The following PACSIN2 variants were observed in gnomAD, a reference collection of about 807,000 sequenced individuals.
PACSIN2 encodes protein kinase C and casein kinase substrate in neurons 2, also known as protein kinase C and casein kinase substrate in neurons protein 2.
A neutral mutation model predicts 63.8 loss-of-function variants in PACSIN2; 25 were observed. The observed-to-expected ratio is 0.39, with a 90% CI of 0.29 to 0.55. PACSIN2 has a LOEUF of 0.55. Ranked by LOEUF, PACSIN2 falls within the 20% of genes least tolerant of loss-of-function variation. PACSIN2 has a pLI of 0.62. For synonymous variants in PACSIN2, 255 were observed against 256.2 expected (o/e 1.00, Z 0.05); for missense variants, 518 against 646.9 (o/e 0.80, Z 2.16).
intron 1 of PACSIN2, among the ~76,000 whole-genome samples, chr22:42,979,994 T>C (rs979412850): frequency 6.6e-6 from 1 of 152,064 alleles, no homozygotes; most frequent in Non-Finnish European, 1.5e-5. Context: ...TGCTTAACTA[T>C]ATAAACCTAT....
At chr22:42,913,297 C>T (rs746521276) in intron 1 of PACSIN2, among the ~76,000 whole-genome samples, 5 of 152,036 alleles carry the variant, frequency 3.3e-5, no homozygotes, top group African/African-American at 7.2e-5. Flanking sequence ...CTGACCAAGA[C>T]GGAGAAACCC....
At chr22:43,000,118 GGCACTTGTA>G (rs1448518287) in intron 1 of PACSIN2, among the ~76,000 whole-genome samples, 2 of 152,242 alleles carry the variant, frequency 1.3e-5, no homozygotes, top group African/African-American at 4.8e-5. Flanking sequence ...GCTCACTGCA[GGCACTTGTA>G]GCCCCAATGG....
chr22:42,911,562 T>G (rs150465506), intron 2 of PACSIN2, among the ~76,000 whole-genome samples: 1 of 152,280 alleles, frequency 6.6e-6, no homozygotes, highest in East Asian at 1.9e-4. Flanking sequence ...CGGCAGATGC[T>G]CCAGCAAGTT....
chr22:42,935,093 T>C (rs1281660058), intron 1 of PACSIN2, among the ~76,000 whole-genome samples: 1 of 150,230 alleles, frequency 6.7e-6, no homozygotes, highest in Non-Finnish European at 1.5e-5. Context: ...TTTTTTTTTT[T>C]TTTTTTTATT....
intron 10 of PACSIN2, among the ~76,000 whole-genome samples, chr22:42,872,686 T>A (rs1391936966): frequency 6.6e-6 from 1 of 152,126 alleles, no homozygotes; most frequent in African/African-American, 2.4e-5. Context: ...TCCCTGGGCC[T>A]GTGGCCCTCA....
Position 42,871,346 on chromosome 22 carries a change from T to C in PACSIN2, c.*11A>G, listed in dbSNP as rs1487086488. On this transcript the variant is annotated 3_prime_UTR_variant, in exon 11 of 11. Coordinates refer to ENST00000263246, the MANE Select transcript of PACSIN2 (RefSeq NM_001184970.3). The surrounding 1 kb of genome is among the most constrained non-coding windows in gnomAD (Gnocchi z 5.4). ...CCGCCTCCGTCCCCCCGCTGGCCTG[T>C]CCCCGACTCATCACTGGATCGCCTC... is the stretch of plus-strand genomic sequence containing the variant. 1.3e-6 allele frequency: 2 copies of C among 1,588,638 alleles called. No homozygotes were observed. The highest frequency in any genetic ancestry group is 4.5e-5 in the East Asian group (2 of 44,746).
In PACSIN2 at chr22:42,871,596, G is replaced by A. The variant is rs1928136590; in HGVS notation, c.1349-127C>T. ...AGGCATTCTGTGGCGGGCAGGCCGA[G>A]GGCCTGGTCATTTCTCTACTAAATG... On this transcript the variant is annotated intron_variant, in intron 10 of 10. Coordinates refer to ENST00000263246, the MANE Select transcript of PACSIN2 (RefSeq NM_001184970.3). The surrounding 1 kb of genome is among the most constrained non-coding windows in gnomAD (Gnocchi z 5.4). 4 of 738,022 alleles carry A rather than the reference G, an allele frequency of 5.4e-6. No individual in the cohort carries two copies. In the Admixed American group the frequency reaches 6.3e-5, roughly 12 times the overall value. 45.7% of individuals were successfully genotyped at this position (738,022 alleles called of 1,614,324 possible).
Position 43,003,899 on chromosome 22 carries a change from C to A in PACSIN2, c.-78+11122G>T, listed in dbSNP as rs1923927582. Reference sequence around the variant, plus strand: ...ACCAGCGAGTCACCCACGGCCTTGACCGCACCCCAGCAGCTCTCCCTTTTG... The same window carrying A: ...ACCAGCGAGTCACCCACGGCCTTGAACGCACCCCAGCAGCTCTCCCTTTTG... On this transcript the variant is annotated intron_variant, in intron 1 of 10. Transcript: ENST00000263246. Among the ~76,000 whole-genome samples, 3 of 152,304 alleles carry A rather than the reference C, an allele frequency of 2.0e-5. No individual in the cohort carries two copies. The South Asian group carries it at 6.2e-4, about 32-fold the overall frequency.
chr22:42,902,294 T>C (rs937915359), intron 2 of PACSIN2, among the ~76,000 whole-genome samples: 19 of 152,188 alleles, frequency 1.2e-4, no homozygotes, highest in Non-Finnish European at 2.2e-4. Context: ...GAAAATGCCA[T>C]GAGGCCCACG....
chr22:42,924,744 A>G (rs1326369806), intron 1 of PACSIN2, among the ~76,000 whole-genome samples: 3 of 147,816 alleles, frequency 2.0e-5, no homozygotes, highest in African/African-American at 5.0e-5. Context: ...CCCCCACCCC[A>G]GTGAGGTTTT....
intron 2 of PACSIN2, among the ~76,000 whole-genome samples, chr22:42,895,092 C>A (rs961511999): frequency 1.3e-5 from 2 of 152,214 alleles, no homozygotes; most frequent in African/African-American, 4.8e-5. Context: ...AGACTTCCGG[C>A]TCTACTCATT....
At chr22:43,010,281 G>A (rs1014277392) in intron 1 of PACSIN2, among the ~76,000 whole-genome samples, 3 of 151,260 alleles carry the variant, frequency 2.0e-5, no homozygotes, top group African/African-American at 4.9e-5. Context: ...GCTCACACCT[G>A]TAATCCTAGC....
intron 2 of PACSIN2, among the ~76,000 whole-genome samples, chr22:42,908,822 C>T (rs58161081): frequency 0.017 from 2,586 of 152,182 alleles, 80 homozygotes; most frequent in African/African-American, 0.06. Flanking sequence ...AATTCTTGGC[C>T]CAACCCTACT....
At chr22:42,976,127 A>G (rs76797964) in intron 1 of PACSIN2, among the ~76,000 whole-genome samples, 2,602 of 152,348 alleles carry the variant, frequency 0.017, 81 homozygotes, top group African/African-American at 0.06. Flanking sequence ...AGGGGGCTAG[A>G]AACTATGCCT....
intron 2 of PACSIN2, among the ~76,000 whole-genome samples, chr22:42,902,668 C>T (rs1189727380): frequency 6.6e-6 from 1 of 152,166 alleles, no homozygotes; most frequent in African/African-American, 2.4e-5. Flanking sequence ...TGCATCTCAG[C>T]AGTGGCATGA....
chr22:42,872,301 C>T (rs966163580), intron 10 of PACSIN2, among the ~76,000 whole-genome samples: 2 of 152,178 alleles, frequency 1.3e-5, no homozygotes, highest in Admixed American at 6.5e-5. Context: ...GCTCAGAGCC[C>T]AGGGGTGGGC....
chr22:42,927,398 C>T (rs1932605980), intron 1 of PACSIN2, among the ~76,000 whole-genome samples: 1 of 152,122 alleles, frequency 6.6e-6, no homozygotes, highest in African/African-American at 2.4e-5. Context: ...GTGCCCGCCA[C>T]CATGCCCAGC....
intron 2 of PACSIN2, among the ~76,000 whole-genome samples, chr22:42,901,006 T>A (rs1930646667): frequency 6.6e-6 from 1 of 152,202 alleles, no homozygotes; most frequent in Non-Finnish European, 1.5e-5. Flanking sequence ...ACACAGGCCC[T>A]GCTCCTGTCC....
intron 1 of PACSIN2, among the ~76,000 whole-genome samples, chr22:42,997,792 A>T (rs936374062): frequency 6.6e-6 from 1 of 152,026 alleles, no homozygotes; most frequent in Non-Finnish European, 1.5e-5. Context: ...GAGGCAGGAG[A>T]ATCATCTGAA....
Sources: gnomAD v4.1 joint callset for allele counts (sites outside exome capture counted in the v4.1 genomes callset) on GRCh38, gnomAD v4.1.1 for gene constraint, Gnocchi (gnomAD v3.1) non-coding constraint, MANE v1.5 for transcripts, NCBI Gene and HGNC (gene_info 2026-07-23, HGNC 2026-07-21) for gene names.